Variants in FBN2 observed in about 807,000 individuals in gnomAD.
The protein encoded by FBN2 is fibrillin-2.
In FBN2, 105 loss-of-function variants were observed where a neutral mutation model predicts 355.6. The ratio of observed to expected loss-of-function variants is 0.30; its 90% CI spans 0.25 to 0.35. FBN2 has a LOEUF of 0.35. Among genes scored for constraint, FBN2 ranks in the 10% least tolerant of loss-of-function variants. The pLI is 1.00. For missense variants in FBN2, 3,280 were observed against 3,758.7 expected, an observed-to-expected ratio of 0.87 and a Z score of 3.33; for synonymous variants, 1,350 against 1,301.2, an observed-to-expected ratio of 1.04 and a Z score of -0.81.
intron 11 of FBN2, among the ~76,000 whole-genome samples, chr5:128,390,289 T>A (rs1752478933): frequency 6.6e-6 from 1 of 152,220 alleles, no homozygotes; most frequent in African/African-American, 2.4e-5. Flanking sequence ...GTTCTCAAGG[T>A]GTGGCCTCTG....
chr5:128,335,431 A>T, intron 29 of FBN2, 24 bp downstream of exon 29: 1 of 1,614,010 alleles, frequency 6.2e-7, no homozygotes, highest in Non-Finnish European at 8.5e-7. Flanking sequence ...GATGTACAAA[A>T]CCTGTGTGTT....
intron 4 of FBN2, among the ~76,000 whole-genome samples, chr5:128,521,240 A>T: frequency 6.6e-6 from 1 of 152,198 alleles, no homozygotes; most frequent in East Asian, 1.9e-4. Context: ...GGTGGAAGCC[A>T]TTATCCTCAG....
In FBN2 at chr5:128,345,440, G is replaced by A; in HGVS notation, c.3134C>T (p.Thr1045Ile). The change falls in exon 24 of 65, where the codon ACC becomes ATC. Residue 1045 changes from threonine (T) to isoleucine (I), a missense_variant. Thr to Ile is a moderately conservative substitution (Grantham distance 89). Transcript: ENST00000262464. ...GGGGCACAGCGTCTCGTATTCCTTGGTGCCAGGTTTGGGGCACTCCTCACA... is the reference window on the plus strand; with the variant it reads ...GGGGCACAGCGTCTCGTATTCCTTGATGCCAGGTTTGGGGCACTCCTCACA... ...TECEECPKPGTKEYETLCPRG... is the reference protein window; with the variant it reads ...TECEECPKPGIKEYETLCPRG... 1.9e-6 allele frequency: 3 copies of A among 1,614,120 alleles called. No individual in the cohort carries two copies. Among genetic ancestry groups the A allele is most frequent in the Non-Finnish European group, 2.5e-6 (3 of 1,180,016 alleles).
intron 33 of FBN2, among the ~76,000 whole-genome samples, chr5:128,329,639 C>A (rs139226312): frequency 2.4e-4 from 37 of 152,194 alleles, no homozygotes; most frequent in Admixed American, 4.6e-4. Flanking sequence ...CACCACAGTG[C>A]GGAGAAATGC....
rs867124157 is a variant in FBN2, at chr5:128,518,508, C to T, written c.628+765G>A. 3.9e-5 allele frequency among the ~76,000 whole-genome samples: 6 copies of T among 152,238 alleles called. No individual in the cohort carries two copies. The Middle Eastern group carries it at 0.02, about 518-fold the overall frequency. ...GACTCTGGGGAAGCTTAAATCATCT[C>T]CTGCTGCAACGACAGGTCCTGGTAA... On this transcript the variant is annotated intron_variant, in intron 5 of 64. Transcript: ENST00000262464.
At chr5:128,340,497 TTCTA>T (rs1328230973) in intron 25 of FBN2, among the ~76,000 whole-genome samples, 2 of 152,238 alleles carry the variant, frequency 1.3e-5, no homozygotes, top group African/African-American at 4.8e-5. Context: ...TTAATTTTCT[TTCTA>T]TCTATCAGTA....
rs1242333418 is a variant in FBN2 at position 128,333,557 on chromosome 5, T to A, written c.4100-523A>T. On this transcript the variant is annotated intron_variant, in intron 31 of 64. Transcript: ENST00000262464. ...ATCAATATAAATATTTTACAGAATTTAAAAAAAACTATTCATTTAGGTGTA... is the reference window on the plus strand; with the variant it reads ...ATCAATATAAATATTTTACAGAATTAAAAAAAAACTATTCATTTAGGTGTA... Among the ~76,000 whole-genome samples the A allele has an allele frequency of 2.6e-5, 4 of 152,004 alleles. No individual in the cohort carries two copies. In the South Asian group the frequency reaches 6.3e-4, roughly 24 times the overall value.
chr5:128,395,310 A>T, intron 8 of FBN2, 36 bp from the exon 9 acceptor site: 1 of 1,612,056 alleles, frequency 6.2e-7, no homozygotes, highest in Middle Eastern at 1.7e-4. Flanking sequence ...GATATGGCAG[A>T]ATTACCTCAG....
chr5:128,356,502 T>C lies in FBN2; in HGVS notation c.2674+774A>G, dbSNP rs369222920. Among the ~76,000 whole-genome samples, 3 of 152,246 alleles carry C rather than the reference T, an allele frequency of 2.0e-5. No individual in the cohort carries two copies. In the East Asian group the frequency reaches 5.8e-4, roughly 29 times the overall value. On this transcript the variant is annotated intron_variant, in intron 20 of 64. Coordinates refer to ENST00000262464, the MANE Select transcript of FBN2 (RefSeq NM_001999.4). ...GAAATATCTTCCTATTTGGAATATA[T>C]ATTTAGTTCACTTTAAAGGTGGATA...
rs147347056 is a variant in FBN2 at position 128,516,917 on chromosome 5, T to C, written c.628+2356A>G. The stretch of plus-strand genomic sequence containing the variant: ...CTCTTTAAAATATTAAAGTTCATGG[T>C]TGCTATGTAAGAGTGCAACTTGTTA... On this transcript the variant is annotated intron_variant, in intron 5 of 64. Transcript: ENST00000262464. Among the ~76,000 whole-genome samples, 367 of 152,256 alleles carry C rather than the reference T, an allele frequency of 2.4e-3. 3 individuals carry two copies. The highest frequency in any genetic ancestry group is 8.2e-3 in the African/African-American group (339 of 41,564).
At chr5:128,376,354 G>A (rs1352037073) in intron 14 of FBN2, among the ~76,000 whole-genome samples, 1 of 152,158 alleles carries the variant, frequency 6.6e-6, no homozygotes, top group Non-Finnish European at 1.5e-5. Context: ...AACCCATAAT[G>A]AATGACAGTG....
At chr5:128,424,241 A>G (rs1328906159) in intron 7 of FBN2, among the ~76,000 whole-genome samples, 1 of 152,180 alleles carries the variant, frequency 6.6e-6, no homozygotes, top group Non-Finnish European at 1.5e-5. Context: ...GGGATGTTTC[A>G]GTAAGATAAA....
At chr5:128,319,022 T>C in intron 34 of FBN2, 21 bp from the exon 35 acceptor site, 1 of 1,567,708 alleles carries the variant, frequency 6.4e-7, no homozygotes, top group Non-Finnish European at 8.8e-7. Flanking sequence ...TAAAAAAAAG[T>C]AATCTCTTAT....
chr5:128,417,751 T>C (rs1561447044), intron 7 of FBN2, among the ~76,000 whole-genome samples: 1 of 152,182 alleles, frequency 6.6e-6, no homozygotes, highest in East Asian at 1.9e-4. Context: ...TTCAGTTTGC[T>C]ACTATTTTGT....
At chr5:128,334,470 A>C (rs1379439416) in intron 31 of FBN2, among the ~76,000 whole-genome samples, 1 of 152,086 alleles carries the variant, frequency 6.6e-6, no homozygotes, top group African/African-American at 2.4e-5. Flanking sequence ...TGGGAACCAG[A>C]CTGTACTCCT....
At chr5:128,333,136 A>T (rs111394223) in intron 31 of FBN2, 102 bp from the exon 32 acceptor site, 1 of 1,042,560 alleles carries the variant, frequency 9.6e-7, no homozygotes, top group African/African-American at 1.6e-5. Flanking sequence ...TAAAGATGCA[A>T]CCGTATGGAG....
chr5:128,449,322 T>C (rs1047459263), intron 6 of FBN2, among the ~76,000 whole-genome samples: 5 of 147,312 alleles, frequency 3.4e-5, no homozygotes, highest in South Asian at 2.1e-4. Context: ...TACAGTATAC[T>C]ATATAGTATA....
chr5:128,445,491 T>C (rs1479750979), intron 7 of FBN2, among the ~76,000 whole-genome samples: 1 of 152,222 alleles, frequency 6.6e-6, no homozygotes, highest in East Asian at 1.9e-4. Flanking sequence ...AATTAAACTT[T>C]AGATTTTGCC....
intron 25 of FBN2, among the ~76,000 whole-genome samples, chr5:128,340,108 A>G (rs1403982485): frequency 4.6e-5 from 7 of 152,216 alleles, no homozygotes; most frequent in Admixed American, 2.6e-4. Flanking sequence ...TAGAGAAGTC[A>G]TGTCTATATA....
Sources: gnomAD v4.1 joint callset for allele counts (sites outside exome capture counted in the v4.1 genomes callset) on GRCh38, gnomAD v4.1.1 for gene constraint, MANE v1.5 for transcripts, NCBI Gene and HGNC (gene_info 2026-07-23, HGNC 2026-07-21) for gene names.